BLTP1: variants seen among roughly 807,000 people sequenced by gnomAD.
The protein encoded by BLTP1 is fragile site-associated protein.
At chr4:122,252,638 A>C in the BLTP1 span, among the ~76,000 whole-genome samples, 1 of 152,202 alleles carries the variant, frequency 6.6e-6, no homozygotes, top group Non-Finnish European at 1.5e-5. Context: ...CCATGGTAGA[A>C]TAAAACACCA....
At chr4:122,300,063 T>C in the BLTP1 span, among the ~76,000 whole-genome samples, 1 of 152,182 alleles carries the variant, frequency 6.6e-6, no homozygotes, top group African/African-American at 2.4e-5. Flanking sequence ...TGGAATGTAG[T>C]GGTGCCATCT....
At chr4:122,353,092 C>T in the BLTP1 span, 1 of 1,613,870 alleles carries the variant, frequency 6.2e-7, no homozygotes, top group Non-Finnish European at 8.5e-7. The surrounding 1 kb of genome is among the most constrained non-coding windows in gnomAD (Gnocchi z 4.3). Flanking sequence ...ATCTTGGGCC[C>T]TTTTTCATTT....
chr4:122,247,369 C>T, the BLTP1 span: 1 of 1,612,034 alleles, frequency 6.2e-7, no homozygotes, highest in Non-Finnish European at 8.5e-7. Context: ...TAGGATTCTA[C>T]AACAAATATG....
the BLTP1 span, among the ~76,000 whole-genome samples, chr4:122,237,852 G>A: frequency 3.3e-5 from 5 of 151,798 alleles, no homozygotes; most frequent in African/African-American, 9.7e-5. Context: ...GTGTGGTGGT[G>A]CGTGCCTGTA....
At chr4:122,172,198 A>G in the BLTP1 span, 4 of 450,830 alleles carry the variant, frequency 8.9e-6, no homozygotes, top group Non-Finnish European at 1.2e-5. Context: ...GTTTTGCTTT[A>G]TCCATAATAC....
the BLTP1 span, chr4:122,181,321 C>T: frequency 1.9e-6 from 1 of 519,070 alleles, no homozygotes; most frequent in Non-Finnish European, 2.5e-6. Flanking sequence ...TTGAACACTC[C>T]TCTTTTTTCC....
At chr4:122,297,929 C>T in the BLTP1 span, 3 of 152,764 alleles carry the variant, frequency 2.0e-5, no homozygotes, top group East Asian at 5.8e-4. Flanking sequence ...GGAGGGAGGG[C>T]ATCAGGAAGA....
the BLTP1 span, among the ~76,000 whole-genome samples, chr4:122,338,102 G>A: frequency 6.6e-6 from 1 of 151,772 alleles, no homozygotes; most frequent in Admixed American, 6.6e-5. Flanking sequence ...AGAATTTTTA[G>A]CTAGCTTTTT....
chr4:122,243,035 A>AC, the BLTP1 span: 1 of 1,612,608 alleles, frequency 6.2e-7, no homozygotes, highest in Admixed American at 1.7e-5. Context: ...TCTTTGCTAG[A>AC]CAGAGGCATG....
At chr4:122,232,042 G>C in the BLTP1 span, 1 of 984,254 alleles carries the variant, frequency 1.0e-6, no homozygotes, top group Non-Finnish European at 1.2e-6. Flanking sequence ...GATTAGGTTA[G>C]GTGGTAGAGC....
the BLTP1 span, chr4:122,282,014 A>C: frequency 1.0e-6 from 1 of 981,710 alleles, no homozygotes; most frequent in Non-Finnish European, 1.2e-6. Flanking sequence ...TATGGAGGCC[A>C]TTTCTCCAAT....
the BLTP1 span, chr4:122,350,027 C>T: frequency 2.5e-6 from 4 of 1,613,702 alleles, no homozygotes; most frequent in African/African-American, 1.3e-5. Context: ...CCTTACCTTC[C>T]GCCAAAGACA....
At chr4:122,222,772 A>C in the BLTP1 span, among the ~76,000 whole-genome samples, 1 of 152,130 alleles carries the variant, frequency 6.6e-6, no homozygotes, top group Non-Finnish European at 1.5e-5. Flanking sequence ...CCTTATCATA[A>C]CCTAATTATA....
chr4:122,314,874 G>A, the BLTP1 span, among the ~76,000 whole-genome samples: 1 of 152,108 alleles, frequency 6.6e-6, no homozygotes, highest in Admixed American at 6.6e-5. Flanking sequence ...TTATTTCAGG[G>A]AAGAGAAGGA....
chr4:122,285,332 G>C, the BLTP1 span, among the ~76,000 whole-genome samples: 6 of 152,264 alleles, frequency 3.9e-5, no homozygotes, highest in Non-Finnish European at 8.8e-5. Flanking sequence ...TTTCAATCTT[G>C]GCGTTTTTAT....
chr4:122,338,525 G>A, the BLTP1 span, among the ~76,000 whole-genome samples: 2 of 151,976 alleles, frequency 1.3e-5, no homozygotes, highest in Non-Finnish European at 2.9e-5. Flanking sequence ...TTATGAACAA[G>A]TTTAATATGA....
chr4:122,313,517 G>C, the BLTP1 span: 1 of 678,764 alleles, frequency 1.5e-6, no homozygotes, highest in Non-Finnish European at 2.2e-6. Context: ...AGGAAGGATA[G>C]TAATCCTCTT....
chr4:122,350,329 T>A, the BLTP1 span: 1 of 985,072 alleles, frequency 1.0e-6, no homozygotes, highest in Non-Finnish European at 1.2e-6. Context: ...CGCTCTTGAA[T>A]AGTGTTTATG....
At chr4:122,247,475 G>C in the BLTP1 span, 1 of 1,245,502 alleles carries the variant, frequency 8.0e-7, no homozygotes, top group Non-Finnish European at 1.1e-6. Context: ...CTATAAGAAA[G>C]AGAAAGGTAT....
Sources: allele counts gnomAD v4.1 joint callset (sites outside exome capture counted in the v4.1 genomes callset), GRCh38; gene constraint gnomAD v4.1.1; non-coding constraint Gnocchi (gnomAD v3.1); transcripts MANE v1.5; gene names NCBI Gene and HGNC (gene_info 2026-07-23, HGNC 2026-07-21).